DOCK7: variants seen among roughly 807,000 people sequenced by gnomAD.
DOCK7 encodes the protein dedicator of cytokinesis protein 7.
DOCK7 carries 138 observed loss-of-function variants against 271.0 expected under a neutral mutation model. The ratio of observed to expected loss-of-function variants is 0.51; its 90% confidence interval spans 0.44 to 0.59. The LOEUF (loss-of-function observed/expected upper bound fraction) is 0.59, where lower values mean the gene tolerates loss of function less well. Ranked by LOEUF, DOCK7 falls within the 20% of genes least tolerant of loss-of-function variation. The probability of loss-of-function intolerance (pLI) is 0.00; values close to 1 mark genes in which losing one functional copy is unlikely to be tolerated. For missense variants in DOCK7, 2,066 were observed against 2,592.4 expected (o/e 0.80, Z 4.41); for synonymous variants, 823 against 876.1 (o/e 0.94, Z 1.07).
chr1:62,642,753 TC>T (rs1656194117), intron 7 of DOCK7, among the ~76,000 whole-genome samples: 1 of 152,208 alleles, frequency 6.6e-6, no homozygotes, highest in Non-Finnish European at 1.5e-5. Flanking sequence ...TCATCATTCT[TC>T]TACCTAAAAT....
intron 22 of DOCK7, among the ~76,000 whole-genome samples, chr1:62,552,499 T>G (rs11207986): frequency 1.3e-5 from 2 of 151,940 alleles, no homozygotes; most frequent in Non-Finnish European, 2.9e-5. Flanking sequence ...ATAAGTTATA[T>G]GCAACTAGTG....
chr1:62,618,960 G>T, intron 13 of DOCK7, 92 bp from the exon 14 acceptor site: 1 of 1,164,190 alleles, frequency 8.6e-7, no homozygotes. Context: ...ATTTTTGCAA[G>T]AAGTCTGGGA....
intron 36 of DOCK7, 46 bp from the exon 37 acceptor site, chr1:62,504,828 G>C (rs1346965388): frequency 6.3e-7 from 1 of 1,595,578 alleles, no homozygotes; most frequent in Non-Finnish European, 8.5e-7. Flanking sequence ...TACAGTAAAA[G>C]TTTCTGAGAT....
At chr1:62,563,109 C>A (rs189725840) in intron 18 of DOCK7, among the ~76,000 whole-genome samples, 5 of 152,264 alleles carry the variant, frequency 3.3e-5, no homozygotes, top group African/African-American at 1.2e-4. Context: ...CCCCCTCCCT[C>A]ACAACCAGGA....
At chr1:62,604,456 A>G in intron 14 of DOCK7, 1 of 902,352 alleles carries the variant, frequency 1.1e-6, no homozygotes, top group Non-Finnish European at 1.7e-6. Flanking sequence ...GGTAGTGTAT[A>G]GATTATTTAT....
intron 48 of DOCK7, among the ~76,000 whole-genome samples, chr1:62,469,284 G>C (rs765597667): frequency 6.6e-6 from 1 of 152,184 alleles, no homozygotes; most frequent in Admixed American, 6.5e-5. Context: ...ACAGCCAACT[G>C]ATCTTCGACA....
chr1:62,473,994 T>C lies in DOCK7; in HGVS notation c.6200A>G (p.Asp2067Gly). The C allele has an allele frequency of 6.2e-7, 1 of 1,613,714 alleles. No homozygotes were observed. Reference sequence around the variant, plus strand: ...AAGCCTTGAATACCTTTTAGTAAAATCTTTAAAGCAGAGTCGCAGTTTATT... The same window carrying C: ...AAGCCTTGAATACCTTTTAGTAAAACCTTTAAAGCAGAGTCGCAGTTTATT... The part of the protein sequence containing the change: ...HHNKLRLCFK[D>G]FTKRCEDALR... Residue 2067 changes from aspartate (D) to glycine (G), a missense_variant, in exon 48 of 50, where the codon GAT becomes GGT. Coordinates refer to ENST00000635253, the MANE Select transcript of DOCK7 (RefSeq NM_001367561.1).
intron 7 of DOCK7, among the ~76,000 whole-genome samples, chr1:62,645,422 A>C (rs1424433632): frequency 6.6e-6 from 1 of 152,186 alleles, no homozygotes; most frequent in Non-Finnish European, 1.5e-5. Context: ...AAAAAAAAAA[A>C]ACAAAAAGGA....
chr1:62,481,082 A>G (rs868749170), intron 43 of DOCK7, among the ~76,000 whole-genome samples: 2 of 152,134 alleles, frequency 1.3e-5, no homozygotes, highest in Middle Eastern at 3.4e-3. Flanking sequence ...CATCTGAGCA[A>G]AGACTGAAGG....
chr1:62,611,694 T>G (rs1287881142), intron 14 of DOCK7, among the ~76,000 whole-genome samples: 1 of 152,156 alleles, frequency 6.6e-6, no homozygotes, highest in Non-Finnish European at 1.5e-5. Flanking sequence ...ACACATATTC[T>G]GACTGGCCAA....
At chr1:62,477,854 G>A (rs1367572630) in intron 43 of DOCK7, 29 bp from the exon 44 acceptor site, 32 of 1,556,138 alleles carry the variant, frequency 2.1e-5, no homozygotes, top group Non-Finnish European at 2.7e-5. Flanking sequence ...GGAAAATGGA[G>A]AAACTTTAAT....
intron 16 of DOCK7, among the ~76,000 whole-genome samples, chr1:62,582,165 A>G (rs1647145928): frequency 6.6e-6 from 1 of 152,188 alleles, no homozygotes. Context: ...GATAAATAGG[A>G]ATGCTGAGAG....
intron 31 of DOCK7, among the ~76,000 whole-genome samples, chr1:62,516,198 C>T (rs1293675186): frequency 6.6e-6 from 1 of 151,836 alleles, no homozygotes; most frequent in South Asian, 2.1e-4. Flanking sequence ...AAAACATAAA[C>T]CATAAAAAAG....
At chr1:62,464,452 C>G (rs530567186) in intron 48 of DOCK7, among the ~76,000 whole-genome samples, 2 of 150,774 alleles carry the variant, frequency 1.3e-5, no homozygotes, top group African/African-American at 4.9e-5. Flanking sequence ...GAGGCTGAGG[C>G]AGGTGGATCA....
In DOCK7 at chr1:62,633,524, T is replaced by A. The variant is rs1352944029; in HGVS notation, c.1090A>T (p.Ile364Phe). 1.9e-6 allele frequency: 3 copies of A among 1,613,138 alleles called. No individual in the cohort carries two copies. Among genetic ancestry groups the A allele is most frequent in the South Asian group, 1.1e-5 (1 of 90,950 alleles). ...TTGGTGGCATCTGCTTCTTTGAAAA[T>A]CATATATGGTTCTGCACACTCTCCA... ...DIGECAEPYMIFKEADATKNK... is the reference protein window; with the variant it reads ...DIGECAEPYMFFKEADATKNK... Residue 364 changes from isoleucine (I) to phenylalanine (F), a missense_variant, in exon 10 of 50, where the codon ATT (isoleucine) becomes TTT (phenylalanine). Physicochemically the swap from Ile to Phe is conservative, Grantham distance 21 (BLOSUM62 0). This residue lies in a region of DOCK7 where 1,414 missense variants were observed against 1,670.4 expected (regional missense o/e 0.85). Transcript: ENST00000635253.
intron 44 of DOCK7, 139 bp downstream of exon 44, chr1:62,477,561 T>G (rs1157580809): frequency 1.2e-6 from 1 of 832,632 alleles, no homozygotes; most frequent in African/African-American, 1.7e-5. Context: ...TTGTAACTAT[T>G]AAAAGTCCTT....
intron 4 of DOCK7, among the ~76,000 whole-genome samples, chr1:62,650,515 G>A (rs928813846): frequency 3.3e-5 from 5 of 152,042 alleles, no homozygotes; most frequent in African/African-American, 7.2e-5. Context: ...GCAACCTACA[G>A]AATGGGAGAA....
At chr1:62,611,574 C>A (rs1651791610) in intron 14 of DOCK7, among the ~76,000 whole-genome samples, 1 of 152,026 alleles carries the variant, frequency 6.6e-6, no homozygotes, top group Non-Finnish European at 1.5e-5. Flanking sequence ...CCACAAGGTA[C>A]CATGGTACAC....
At chr1:62,597,596 T>C in intron 14 of DOCK7, 1 of 1,612,846 alleles carries the variant, frequency 6.2e-7, no homozygotes, top group Non-Finnish European at 8.5e-7. Context: ...TTCTTTTTAT[T>C]GTTCCTCTAG....
Sources: gnomAD v4.1 joint callset for allele counts (sites outside exome capture counted in the v4.1 genomes callset) on GRCh38, gnomAD v4.1.1 for gene constraint, gnomAD v4.1.1 regional missense constraint, MANE v1.5 for transcripts, NCBI Gene and HGNC (gene_info 2026-07-23, HGNC 2026-07-21) for gene names.